The following RUNX1T1 variants were observed in gnomAD, a reference collection of about 807,000 sequenced individuals.
RUNX1T1 encodes RUNX1 partner transcriptional co-repressor 1, also known as protein CBFA2T1.
Under a neutral mutation model 62.8 loss-of-function variants are expected in RUNX1T1, and 4 were observed. The observed-to-expected ratio is 0.06, with a 90% CI of 0.03 to 0.15. The LOEUF (loss-of-function observed/expected upper bound fraction) is 0.15, where lower values mean the gene tolerates loss of function less well. RUNX1T1 is among the 10% of genes least tolerant of loss of function. The pLI is 1.00. For synonymous variants in RUNX1T1, 291 were observed against 286.0 expected, an observed-to-expected ratio of 1.02 and a Z score of -0.18; for missense variants, 508 against 754.3, an observed-to-expected ratio of 0.67 and a Z score of 3.82.
intron 1 of RUNX1T1, among the ~76,000 whole-genome samples, chr8:92,054,472 C>T (rs1319716269): frequency 1.3e-5 from 2 of 152,110 alleles, no homozygotes; most frequent in African/African-American, 4.8e-5. Context: ...TATACAGGTA[C>T]ACAGCATATC....
intron 1 of RUNX1T1, chr8:92,081,298 A>G (rs1286169014): frequency 3.2e-6 from 3 of 936,720 alleles, no homozygotes; most frequent in Non-Finnish European, 3.8e-6. Context: ...TTGATACTAG[A>G]AAAGAGGTAG....
chr8:92,102,856 C>T (rs2130960005), upstream of RUNX1T1: 1 of 1,522,038 alleles, frequency 6.6e-7, no homozygotes, highest in Non-Finnish European at 8.8e-7. The surrounding 1 kb of genome is among the most constrained non-coding windows in gnomAD (Gnocchi z 4.5). Flanking sequence ...CGGACACTTA[C>T]ACTGCACAGG....
At chr8:91,990,717 G>T (rs1352170285) in intron 6 of RUNX1T1, among the ~76,000 whole-genome samples, 1 of 151,600 alleles carries the variant, frequency 6.6e-6, no homozygotes, top group Non-Finnish European at 1.5e-5. Flanking sequence ...GGGTGCAGTG[G>T]CATGATCTCA....
At chr8:92,028,840 T>C (rs900651883) in intron 1 of RUNX1T1, among the ~76,000 whole-genome samples, 1 of 152,162 alleles carries the variant, frequency 6.6e-6, no homozygotes, top group Non-Finnish European at 1.5e-5. Flanking sequence ...CATTTTGTTG[T>C]CAAACTGTAG....
upstream of RUNX1T1, among the ~76,000 whole-genome samples, chr8:92,067,550 T>A (rs1833046459): frequency 6.6e-6 from 1 of 152,232 alleles, no homozygotes; most frequent in Admixed American, 6.5e-5. Flanking sequence ...AACCAAATAG[T>A]CTCTATGATA....
intron 1 of RUNX1T1, among the ~76,000 whole-genome samples, chr8:92,081,951 T>C (rs1835341688): frequency 6.6e-6 from 1 of 152,148 alleles, no homozygotes; most frequent in African/African-American, 2.4e-5. Context: ...AGTGGCGCAA[T>C]CTCCACTCAC....
At chr8:92,014,219 A>G (rs1822540667) in intron 3 of RUNX1T1, among the ~76,000 whole-genome samples, 1 of 152,136 alleles carries the variant, frequency 6.6e-6, no homozygotes, top group Non-Finnish European at 1.5e-5. Flanking sequence ...TTTTGTCATC[A>G]TTGAAAACCA....
chr8:91,968,104 A>G (rs1243717225), intron 10 of RUNX1T1, among the ~76,000 whole-genome samples: 1 of 152,200 alleles, frequency 6.6e-6, no homozygotes, highest in Non-Finnish European at 1.5e-5. Context: ...CCTCTGAGAC[A>G]GTAACTGAGC....
At position 91,995,154 on chromosome 8, in the gene RUNX1T1, T is replaced by G. The variant is rs375486804; in HGVS notation, c.660-3265A>C. Among the ~76,000 whole-genome samples the G allele has an allele frequency of 2.0e-5, 3 of 152,286 alleles. No homozygotes were observed. In the South Asian group the frequency reaches 6.2e-4, roughly 32 times the overall value. ...CTGATTTGGGTCAAACCACCCCAAC[T>G]TACTAGTTTTCTCTCTCCTTGATCA... On this transcript the variant is annotated intron_variant, in intron 5 of 10. Coordinates refer to ENST00000396218, the Ensembl canonical transcript of RUNX1T1.
chr8:92,066,504 A>C (rs1213073948), upstream of RUNX1T1, among the ~76,000 whole-genome samples: 3 of 152,230 alleles, frequency 2.0e-5, no homozygotes, highest in Non-Finnish European at 4.4e-5. Context: ...TGTTTTCTAA[A>C]GGCATCCCAC....
intron 1 of RUNX1T1, among the ~76,000 whole-genome samples, chr8:92,034,706 A>T (rs899546084): frequency 6.6e-6 from 1 of 151,320 alleles, no homozygotes; most frequent in Non-Finnish European, 1.5e-5. Flanking sequence ...ATGTATACAT[A>T]TATATACACA....
chr8:92,029,855 T>C (rs1490990713), intron 1 of RUNX1T1, among the ~76,000 whole-genome samples: 4 of 152,176 alleles, frequency 2.6e-5, no homozygotes, highest in African/African-American at 9.7e-5. Context: ...CTGAGCTATA[T>C]AAAATGTGCT....
chr8:92,089,838 A>G (rs547547531), intron 1 of RUNX1T1, among the ~76,000 whole-genome samples: 1 of 151,066 alleles, frequency 6.6e-6, no homozygotes, highest in African/African-American at 2.4e-5. Context: ...TATGATGGAG[A>G]AGACTGGAAT....
chr8:92,062,364 T>C (rs907420493), intron 1 of RUNX1T1, among the ~76,000 whole-genome samples: 5 of 152,198 alleles, frequency 3.3e-5, no homozygotes, highest in Admixed American at 6.5e-5. Context: ...TACCCCTCCA[T>C]GTATCAAGAT....
chr8:91,959,289 T>C (rs1037028573), exon 11 of RUNX1T1: 1 of 222,114 alleles, frequency 4.5e-6, no homozygotes, highest in Non-Finnish European at 9.1e-6. Flanking sequence ...TGAGCTGGAA[T>C]AGACCCAATG....
chr8:92,002,658 G>T (rs1819995960), intron 5 of RUNX1T1, among the ~76,000 whole-genome samples: 1 of 151,952 alleles, frequency 6.6e-6, no homozygotes, highest in African/African-American at 2.4e-5. Context: ...GTGACTGATG[G>T]CTCCCAGTGT....
intron 5 of RUNX1T1, among the ~76,000 whole-genome samples, chr8:92,002,959 C>G (rs1407483845): frequency 2.6e-5 from 4 of 152,018 alleles, no homozygotes; most frequent in Non-Finnish European, 5.9e-5. Context: ...GATCAAATTC[C>G]CACAAGATAC....
chr8:92,100,403 T>C (rs1049358141), upstream of RUNX1T1, among the ~76,000 whole-genome samples: 1 of 152,210 alleles, frequency 6.6e-6, no homozygotes, highest in African/African-American at 2.4e-5. Context: ...GCTATCTAGT[T>C]TATAATAAAA....
At chr8:91,963,434 G>A (rs1586697006) in intron 10 of RUNX1T1, among the ~76,000 whole-genome samples, 1 of 152,098 alleles carries the variant, frequency 6.6e-6, no homozygotes, top group African/African-American at 2.4e-5. Flanking sequence ...ACTAACAAAC[G>A]CTCCAATGCG....
Sources: gnomAD v4.1 joint callset for allele counts (sites outside exome capture counted in the v4.1 genomes callset) on GRCh38, gnomAD v4.1.1 for gene constraint, Gnocchi (gnomAD v3.1) non-coding constraint, MANE v1.5 for transcripts, NCBI Gene and HGNC (gene_info 2026-07-23, HGNC 2026-07-21) for gene names.